ZNF337: variants seen among roughly 807,000 people sequenced by gnomAD.
ZNF337 encodes the protein zinc finger protein 337.
A neutral mutation model predicts 12.1 loss-of-function variants in ZNF337; 8 were observed. The ratio of observed to expected loss-of-function variants is 0.66; its 90% CI spans 0.39 to 1.19. The LOEUF (loss-of-function observed/expected upper bound fraction) is 1.19. Among genes scored for constraint, ZNF337 ranks in the 50% most tolerant of loss-of-function variants. The pLI is 0.01. For synonymous variants in ZNF337, 336 were observed against 320.0 expected (o/e 1.05, Z -0.53); for missense variants, 882 against 896.6 (o/e 0.98, Z 0.21).
chr20:25,675,589 A>G lies in ZNF337; in HGVS notation c.1699T>C (p.Ser567Pro). Residue 567 changes from serine to proline, a missense_variant, in exon 5 of 5, where the codon TCG becomes CCG. Coordinates refer to ENST00000252979, the MANE Select transcript of ZNF337 (RefSeq NM_015655.4). Reference sequence around the variant, plus strand: ...TTGCAATTAAATGGCCTTTCCCCCGAGTGTGTCCACTGATGTCTAAGAAGA... The same window carrying G: ...TTGCAATTAAATGGCCTTTCCCCCGGGTGTGTCCACTGATGTCTAAGAAGA... ...ANLLRHQWTH[S>P]GERPFNCKDC... The G allele has an allele frequency of 3.1e-6, 5 of 1,613,916 alleles. No individual in the cohort carries two copies. Among genetic ancestry groups the G allele is most frequent in the Non-Finnish European group, 4.2e-6 (5 of 1,179,988 alleles).
intron 2 of ZNF337, 50 bp from the exon 3 acceptor site, chr20:25,686,172 G>A (rs772333258): frequency 7.5e-5 from 121 of 1,608,718 alleles, no homozygotes; most frequent in Non-Finnish European, 8.7e-5. Context: ...TTGCACTCAC[G>A]CAGTTGGAGG....
chr20:25,695,153 C>T (rs916455653), intron 1 of ZNF337, among the ~76,000 whole-genome samples: 31 of 152,250 alleles, frequency 2.0e-4, no homozygotes, highest in African/African-American at 7.0e-4. Flanking sequence ...CGCCTGTAGT[C>T]CCAGCTACTC....
chr20:25,693,632 G>C (rs1371598577), intron 1 of ZNF337, among the ~76,000 whole-genome samples: 1 of 152,188 alleles, frequency 6.6e-6, no homozygotes, highest in Non-Finnish European at 1.5e-5. Flanking sequence ...TCCTGAATGA[G>C]GGCATCAGAT....
At chr20:25,689,495 T>C (rs2065866307) in intron 1 of ZNF337, among the ~76,000 whole-genome samples, 1 of 152,196 alleles carries the variant, frequency 6.6e-6, no homozygotes, top group East Asian at 1.9e-4. Context: ...TAAGGGCACA[T>C]GAGAACTCTT....
chr20:25,693,044 C>G (rs1430170302), intron 1 of ZNF337, among the ~76,000 whole-genome samples: 1 of 152,168 alleles, frequency 6.6e-6, no homozygotes, highest in Non-Finnish European at 1.5e-5. Flanking sequence ...TGCTCCACAA[C>G]CCAGTCCACT....
intron 1 of ZNF337, among the ~76,000 whole-genome samples, chr20:25,691,730 A>C (rs2065883798): frequency 6.6e-6 from 1 of 152,132 alleles, no homozygotes; most frequent in Non-Finnish European, 1.5e-5. Flanking sequence ...CACTGTTCTC[A>C]GAAAGGCTCA....
At chr20:25,680,485 T>C (rs998549061) in intron 4 of ZNF337, among the ~76,000 whole-genome samples, 2 of 152,036 alleles carry the variant, frequency 1.3e-5, no homozygotes, top group Admixed American at 1.3e-4. Flanking sequence ...TAATAAAGAA[T>C]TATCTTTTTT....
At chr20:25,679,994 A>C (rs1002440515) in intron 4 of ZNF337, among the ~76,000 whole-genome samples, 1 of 152,172 alleles carries the variant, frequency 6.6e-6, no homozygotes, top group African/African-American at 2.4e-5. Flanking sequence ...TACTGCTGTC[A>C]TTTACAGCAG....
chr20:25,686,791 A>C, intron 1 of ZNF337: 1 of 281,218 alleles, frequency 3.6e-6, no homozygotes, highest in East Asian at 7.9e-5. Flanking sequence ...ACTGGACAGA[A>C]TACACAAGAG....
chr20:25,688,416 C>G (rs6138639), intron 1 of ZNF337, among the ~76,000 whole-genome samples: 23,650 of 151,850 alleles, frequency 0.16, 2,122 homozygotes, highest in East Asian at 0.35. Flanking sequence ...CCTTTTATTC[C>G]TTTTTAATAC....
At chr20:25,694,773 G>C (rs1255202163) in intron 1 of ZNF337, among the ~76,000 whole-genome samples, 1 of 152,162 alleles carries the variant, frequency 6.6e-6, no homozygotes, top group Non-Finnish European at 1.5e-5. Context: ...CTCTGGTACA[G>C]CATCACATGA....
At chr20:25,695,066 G>A (rs1600455383) in intron 1 of ZNF337, among the ~76,000 whole-genome samples, 1 of 152,118 alleles carries the variant, frequency 6.6e-6, no homozygotes, top group African/African-American at 2.4e-5. Context: ...AGGTCAGGAA[G>A]TCAAGACCAG....
chr20:25,688,348 T>C (rs907527532), intron 1 of ZNF337, among the ~76,000 whole-genome samples: 4 of 152,264 alleles, frequency 2.6e-5, no homozygotes, highest in African/African-American at 4.8e-5. Flanking sequence ...TATTCTTCCA[T>C]GTACATACTC....
rs777772315 is a variant in ZNF337, at chr20:25,676,120, T to C, written c.1168A>G (p.Ser390Gly). The stretch of plus-strand genomic sequence containing the variant: ...TGTGTTCTCTGGTGTCTGAGGAGAC[T>C]TCCTTTCACGCTAAAACTTTGCTTA... ...QCKQSFSVKG[S>G]LLRHQRTHSG... is the part of the protein sequence containing the mutation. Residue 390 changes from serine to glycine, a missense_variant, in exon 5 of 5, where the codon AGT becomes GGT. Transcript: ENST00000252979. 6 of 1,608,122 alleles carry C rather than the reference T, an allele frequency of 3.7e-6. No individual in the cohort carries two copies. The highest frequency in any genetic ancestry group is 4.2e-6 in the Non-Finnish European group (5 of 1,178,666).
chr20:25,681,565 T>C (rs2065768424), intron 4 of ZNF337, among the ~76,000 whole-genome samples: 1 of 152,278 alleles, frequency 6.6e-6, no homozygotes, highest in African/African-American at 2.4e-5. Context: ...GTAATTCCAC[T>C]TACATGAAGT....
intron 1 of ZNF337, among the ~76,000 whole-genome samples, chr20:25,693,222 G>A (rs1266272486): frequency 4.6e-5 from 7 of 152,152 alleles, no homozygotes; most frequent in African/African-American, 1.4e-4. Flanking sequence ...GATTACAGGC[G>A]TGAGCCACCA....
Position 25,676,830 on chromosome 20 carries a change from T to C in ZNF337, c.458A>G (p.Glu153Gly). Residue 153 changes from glutamate (E) to glycine (G), a missense_variant, in exon 5 of 5, where the codon GAG (glutamate) becomes GGG (glycine). By Grantham distance (98) the Glu-to-Gly change is moderately conservative. Transcript: ENST00000252979. ...ATTTTCCCTCTGGCCTTGACTAGAC[T>C]CTATTTCCACTACACTGTTCCTCCT... ...SRRRNSVVEI[E>G]SSQGQRENPT... The C allele has an allele frequency of 6.2e-7, 1 of 1,614,220 alleles. No individual in the cohort carries two copies. The highest frequency in any genetic ancestry group is 1.1e-5 in the South Asian group (1 of 91,082).
chr20:25,675,251 G>C lies in ZNF337; in HGVS notation c.2037C>G (p.His679Gln), dbSNP rs1009380190. ...RSLTRHHWRI[H>Q]SKEKPFVCQE... is the part of the protein sequence containing the mutation. Reference sequence around the variant, plus strand: ...GGCAAACAAAAGGCTTCTCCTTTGAGTGTATCCGCCAGTGGTGTCTGGTGA... The same window carrying C: ...GGCAAACAAAAGGCTTCTCCTTTGACTGTATCCGCCAGTGGTGTCTGGTGA... Residue 679 changes from histidine (H) to glutamine (Q), a missense_variant, in exon 5 of 5, where the codon CAC becomes CAG. Physicochemically the swap from His to Gln is conservative, Grantham distance 24. Transcript: ENST00000252979. The C allele has an allele frequency of 2.5e-6, 4 of 1,614,050 alleles. No homozygotes were observed. In the African/African-American group the frequency reaches 5.3e-5, roughly 22 times the overall value.
chr20:25,681,737 G>A (rs2065770811), intron 4 of ZNF337, among the ~76,000 whole-genome samples: 1 of 152,106 alleles, frequency 6.6e-6, no homozygotes, highest in African/African-American at 2.4e-5. Flanking sequence ...ACAAAGTTAT[G>A]CATATGTCAA....
Sources: gnomAD v4.1 joint callset for allele counts (sites outside exome capture counted in the v4.1 genomes callset) on GRCh38, gnomAD v4.1.1 for gene constraint, MANE v1.5 for transcripts, NCBI Gene and HGNC (gene_info 2026-07-23, HGNC 2026-07-21) for gene names.